STAB1: variants seen among roughly 807,000 people sequenced by gnomAD.
STAB1 encodes stabilin-1.
STAB1 carries 250 observed loss-of-function variants against 332.4 expected under a neutral mutation model. The ratio of observed to expected loss-of-function variants is 0.75; its 90% CI spans 0.68 to 0.84. The LOEUF is 0.84. STAB1 is among the 40% of genes least tolerant of loss of function. The probability of loss-of-function intolerance (pLI) is 0.00; values close to 1 mark genes in which losing one functional copy is unlikely to be tolerated. For synonymous variants in STAB1, 1,475 were observed against 1,390.4 expected, an observed-to-expected ratio of 1.06 and a Z score of -1.35; for missense variants, 3,249 against 3,489.7, an observed-to-expected ratio of 0.93 and a Z score of 1.74.
Position 52,503,551 on chromosome 3 carries a change from G to T in STAB1, c.891+11G>T. 6.2e-7 allele frequency: 1 copy of T among 1,612,016 alleles called. No homozygotes were observed. Among genetic ancestry groups the T allele is most frequent in the Non-Finnish European group, 8.5e-7 (1 of 1,179,180 alleles). ...CAGAAGCCGGGCCAGGTGAGCCAGG[G>T]TCCCAGGCCGGAACTGTCCCCACAG... On this transcript the variant is annotated intron_variant, in intron 8 of 68. Coordinates refer to ENST00000321725, the MANE Select transcript of STAB1 (RefSeq NM_015136.3).
rs779957209 is a variant in STAB1 at position 52,518,796 on chromosome 3, G to T, written c.4961G>T (p.Arg1654Leu). ...RYHVVGCRRL[R>L]SEDLLEQGYA... ...CACGTGGTTGGCTGTCGGCGGCTGCGGAGCGAGGACCTGCTGGAGCAGGGG... is the reference window on the plus strand; with the variant it reads ...CACGTGGTTGGCTGTCGGCGGCTGCTGAGCGAGGACCTGCTGGAGCAGGGG... Residue 1654 changes from arginine (R) to leucine (L), a missense_variant, in exon 48 of 69, where the codon CGG becomes CTG. Coordinates refer to ENST00000321725, the MANE Select transcript of STAB1 (RefSeq NM_015136.3). 1 of 1,611,906 alleles carries T rather than the reference G, an allele frequency of 6.2e-7. No individual in the cohort carries two copies. The highest frequency in any genetic ancestry group is 1.7e-5 in the Admixed American group (1 of 59,986).
Position 52,523,087 on chromosome 3 carries a change from C to A in STAB1, c.6973C>A (p.Leu2325Met). Residue 2325 changes from leucine to methionine, a missense_variant, in exon 63 of 69, where the codon CTG becomes ATG. Physicochemically the swap from Leu to Met is conservative, Grantham distance 15. Coordinates refer to ENST00000321725, the MANE Select transcript of STAB1 (RefSeq NM_015136.3). ...GDGISTCNGK[L>M]LDVLAATANF... ...CGGGATCAGCACGTGCAATGGGAAG[C>A]TGCTGGATGTGCTGGCTGCCACTGC... is the stretch of plus-strand genomic sequence containing the variant. The A allele has an allele frequency of 6.4e-7, 1 of 1,573,016 alleles. No individual in the cohort carries two copies. Among genetic ancestry groups the A allele is most frequent in the Non-Finnish European group, 8.6e-7 (1 of 1,157,910 alleles).
Position 52,522,578 on chromosome 3 carries a change from C to T in STAB1, c.6634C>T (p.Leu2212Phe). 1 of 1,613,080 alleles carries T rather than the reference C, an allele frequency of 6.2e-7. No homozygotes were observed. Among genetic ancestry groups the T allele is most frequent in the Non-Finnish European group, 8.5e-7 (1 of 1,180,042 alleles). The change falls in exon 61 of 69, where the codon CTC (leucine) becomes TTC (phenylalanine). Residue 2212 changes from leucine (L) to phenylalanine (F), a missense_variant. Physicochemically the swap from Leu to Phe is conservative, Grantham distance 22. Transcript: ENST00000321725. ...FQEKRAGVFH[L>F]QATSGPYGLN... ...AGAGAAACGGGCTGGCGTTTTCCAC[C>T]TCCAGGCCACCAGCGGCCCTTATGG...
intron 64 of STAB1, 23 bp downstream of exon 64, chr3:52,523,364 G>A (rs200925128): frequency 1.7e-4 from 270 of 1,609,198 alleles, no homozygotes; most frequent in Admixed American, 2.5e-4. Flanking sequence ...GGTGTGGGCA[G>A]AGCAGAGCCT....
Position 52,509,913 on chromosome 3 carries a change from T to C in STAB1, c.2391T>C (p.Ser797=), listed in dbSNP as rs1559690587. 2 of 1,612,936 alleles carry C rather than the reference T, an allele frequency of 1.2e-6. No homozygotes were observed. The highest frequency in any genetic ancestry group is 1.7e-5 in the Admixed American group (1 of 60,026). Residue 797 remains serine, a synonymous_variant, in exon 23 of 69, where the codon AGT becomes AGC. Coordinates refer to ENST00000321725, the MANE Select transcript of STAB1 (RefSeq NM_015136.3). ...GTCTCTGCGACAACCGCCCAGGCAG[T>C]GGGGGGGTGTGCCAGCAGGGCACGT... ...VHGLCDNRPG[S]GGVCQQGTCA... is the part of the protein sequence containing the mutation.
Position 52,516,711 on chromosome 3 carries a change from G to A in STAB1, c.4306G>A (p.Gly1436Arg), listed in dbSNP as rs147850927. 1.7e-4 allele frequency: 282 copies of A among 1,612,050 alleles called. 2 individuals carry two copies. In the African/African-American group the frequency reaches 2.4e-3, roughly 14 times the overall value. Reference protein sequence around the residue: ...PNANCVQDSAGASTCACAAGY... With the variant: ...PNANCVQDSARASTCACAAGY... The stretch of plus-strand genomic sequence containing the variant: ...TCCCAGCTGCGTGCAGGACTCGGCC[G>A]GAGCCTCCACCTGCGCCTGTGCTGC... The change falls in exon 41 of 69, where the codon GGA becomes AGA. Residue 1436 changes from glycine to arginine, a missense_variant. By Grantham distance (125) the Gly-to-Arg change is moderately radical. Transcript: ENST00000321725.
intron 2 of STAB1, 156 bp from the exon 3 acceptor site, chr3:52,501,482 T>C (rs951506072): frequency 1.8e-6 from 2 of 1,097,134 alleles, no homozygotes; most frequent in East Asian, 2.6e-5. Context: ...GCAGGAGGGG[T>C]TTATGGGGCA....
At chr3:52,518,921 G>GTCC (rs1559714287) in intron 48 of STAB1, 52 bp downstream of exon 48, 22 of 375,690 alleles carry the variant, frequency 5.9e-5, no homozygotes, top group African/African-American at 2.0e-4. Context: ...CCCCGCCCCT[G>GTCC]CGCGCCATTG....
intron 1 of STAB1, among the ~76,000 whole-genome samples, chr3:52,498,061 G>C (rs1578340187): frequency 6.6e-6 from 1 of 152,214 alleles, no homozygotes; most frequent in Admixed American, 6.5e-5. Flanking sequence ...ACCAAAGGTA[G>C]GGGGAAGCAG....
rs751211532 is a variant in STAB1 at position 52,518,821 on chromosome 3, GT to G, written c.4987del (p.Tyr1663ThrfsTer28). On this transcript the variant is annotated frameshift_variant, in exon 48 of 69. Transcript: ENST00000321725. LOFTEE classifies it high-confidence loss of function. ...LRSEDLLEQG[Y>X]ATALSGHPLR... ...GGAGCGAGGACCTGCTGGAGCAGGG[GT>G]ACGCCACGGCCCTCTCAGGGCACCC... 6.2e-7 allele frequency: 1 copy of G among 1,610,150 alleles called. No homozygotes were observed. The highest frequency in any genetic ancestry group is 8.5e-7 in the Non-Finnish European group (1 of 1,179,520).
At chr3:52,521,217 T>C (rs2079061253) in intron 55 of STAB1, 144 bp from the exon 56 acceptor site, 2 of 1,259,192 alleles carry the variant, frequency 1.6e-6, no homozygotes, top group Admixed American at 2.2e-5. Flanking sequence ...GGTCTGGATG[T>C]TCTCCAGGAC....
Position 52,510,135 on chromosome 3 carries a change from C to T in STAB1, c.2535-7C>T, listed in dbSNP as rs773346804. The T allele has an allele frequency of 6.2e-6, 10 of 1,613,846 alleles. 1 individual carries two copies. In the South Asian group the frequency reaches 9.9e-5, roughly 16 times the overall value. Reference sequence around the variant, plus strand: ...TCACTGGAGCCCCCTCCTTCACCCACCCCCAGATGTCGCTGTCTTGATGGC... The same window carrying T: ...TCACTGGAGCCCCCTCCTTCACCCATCCCCAGATGTCGCTGTCTTGATGGC... On this transcript the variant is annotated splice_polypyrimidine_tract_variant and splice_region_variant and intron_variant, in intron 23 of 68. Transcript: ENST00000321725.
chr3:52,500,501 C>T (rs1477157430), intron 1 of STAB1, among the ~76,000 whole-genome samples: 1 of 152,222 alleles, frequency 6.6e-6, no homozygotes, highest in Non-Finnish European at 1.5e-5. Flanking sequence ...TCCTGGGCAG[C>T]GGAGAAAGCC....
chr3:52,504,731 G>T lies in STAB1; in HGVS notation c.1240-8G>T. 1 of 1,613,668 alleles carries T rather than the reference G, an allele frequency of 6.2e-7. No homozygotes were observed. The highest frequency in any genetic ancestry group is 1.1e-5 in the South Asian group (1 of 91,086). ...CGGCTCACTTTGCTCCCCGCCTTGC[G>T]TCTGCAGGCATCCCTTGCCCAGCAG... On this transcript the variant is annotated splice_polypyrimidine_tract_variant and splice_region_variant and intron_variant, in intron 11 of 68. Transcript: ENST00000321725.
intron 8 of STAB1, 76 bp from the exon 9 acceptor site, chr3:52,503,696 G>A (rs1578362749): frequency 6.3e-7 from 1 of 1,596,680 alleles, no homozygotes; most frequent in Non-Finnish European, 8.5e-7. Flanking sequence ...GCTGAGCAGG[G>A]CTCTATGGGT....
rs2078852673 is a variant in STAB1 at position 52,516,103 on chromosome 3, G to A, written c.4009G>A (p.Gly1337Arg). The A allele has an allele frequency of 1.2e-6, 2 of 1,610,974 alleles. No individual in the cohort carries two copies. The highest frequency in any genetic ancestry group is 8.5e-7 in the Non-Finnish European group (1 of 1,179,162). The change falls in exon 38 of 69, where the codon GGG becomes AGG. Residue 1337 changes from glycine (G) to arginine (R), a missense_variant. Physicochemically the swap from Gly to Arg is moderately radical, Grantham distance 125. Transcript: ENST00000321725. Reference protein sequence around the residue: ...TLCEPCPGGLGGVCSGHGQCQ... With the variant: ...TLCEPCPGGLRGVCSGHGQCQ... ...GTGTGAGCCATGCCCAGGGGGTCTA[G>A]GGGGGGTGTGCTCAGGCCATGGGCA...
chr3:52,501,922 C>A, intron 3 of STAB1, 84 bp from the exon 4 acceptor site: 1 of 1,544,344 alleles, frequency 6.5e-7, no homozygotes, highest in Non-Finnish European at 8.9e-7. Flanking sequence ...GGGGAGGGGC[C>A]GAGTCTGGGG....
rs1272981563 is a variant in STAB1 at position 52,506,229 on chromosome 3, G to A, written c.1809G>A (p.Leu603=). Residue 603 remains leucine, a synonymous_variant, in exon 17 of 69, where the codon CTG becomes CTA. Transcript: ENST00000321725. ...GRILTMANQV[L]AVNISEEGRI... is the part of the protein sequence containing the mutation. ...TCCTCACCATGGCGAACCAGGTCCT[G>A]GCTGTGAACATTTCTGAGGAGGTGA... The A allele has an allele frequency of 9.9e-6, 16 of 1,612,658 alleles. No homozygotes were observed. Among genetic ancestry groups the A allele is most frequent in the African/African-American group, 1.3e-5 (1 of 74,930 alleles).
intron 17 of STAB1, 55 bp downstream of exon 17, chr3:52,506,305 A>T: frequency 6.6e-7 from 1 of 1,504,388 alleles, no homozygotes; most frequent in Middle Eastern, 1.7e-4. Flanking sequence ...CCAGCTGCCC[A>T]CTTGGCCTCT....
Sources: allele counts gnomAD v4.1 joint callset (sites outside exome capture counted in the v4.1 genomes callset), GRCh38; gene constraint gnomAD v4.1.1; transcripts MANE v1.5; gene names NCBI Gene and HGNC (gene_info 2026-07-23, HGNC 2026-07-21).